The following SIN3A variants were observed in gnomAD, a reference collection of about 807,000 sequenced individuals.
SIN3A encodes SIN3 transcription regulator family member A.
A neutral mutation model predicts 146.1 loss-of-function variants in SIN3A; 14 were observed. That is an observed-to-expected ratio of 0.10 (90% CI 0.06 to 0.15). SIN3A has a LOEUF of 0.15. Ranked by LOEUF, SIN3A falls within the 10% of genes least tolerant of loss-of-function variation. SIN3A has a pLI of 1.00. For missense variants in SIN3A, 1,028 were observed against 1,576.0 expected (o/e 0.65, Z 5.89); for synonymous variants, 572 against 572.0 (o/e 1.00, Z 0.00).
At chr15:75,434,953 A>C (rs1483595210) in intron 1 of SIN3A, among the ~76,000 whole-genome samples, 2 of 151,312 alleles carry the variant, frequency 1.3e-5, no homozygotes, top group South Asian at 2.1e-4. Flanking sequence ...CGCCTCAAGA[A>C]AAAAAAAAGT....
At chr15:75,445,828 T>C (rs2074298104) in intron 1 of SIN3A, among the ~76,000 whole-genome samples, 1 of 150,436 alleles carries the variant, frequency 6.6e-6, no homozygotes, top group African/African-American at 2.4e-5. Flanking sequence ...CTTGAGATAG[T>C]TCTTGAAAGG....
chr15:75,406,480 G>A (rs965256882), intron 9 of SIN3A, among the ~76,000 whole-genome samples: 2 of 152,206 alleles, frequency 1.3e-5, no homozygotes, highest in Non-Finnish European at 2.9e-5. Context: ...GAGGTCAGGA[G>A]ATCGAGACCA....
chr15:75,430,869 G>T (rs572699546), intron 1 of SIN3A, among the ~76,000 whole-genome samples: 2 of 151,620 alleles, frequency 1.3e-5, no homozygotes, highest in African/African-American at 2.4e-5. Context: ...TCCACCTCCC[G>T]GGTTCACGCC....
chr15:75,392,341 C>T lies in SIN3A; in HGVS notation c.2752G>A (p.Glu918Lys), dbSNP rs202139984. The T allele has an allele frequency of 3.1e-6, 5 of 1,614,216 alleles. No homozygotes were observed. Among genetic ancestry groups the T allele is most frequent in the South Asian group, 1.1e-5 (1 of 91,074 alleles). ...RICSQAERQIEEENREREWER... is the reference protein window; with the variant it reads ...RICSQAERQIKEENREREWER... ...CATTCTCTCTCTCGGTTTTCTTCTT[C>T]AATTTGCCGTTCGGCTTGGGAACAA... Residue 918 changes from glutamate to lysine, a missense_variant, in exon 15 of 21, where the codon GAA becomes AAA. Around this residue, in one of 9 missense-constraint regions of SIN3A, gnomAD observed 488 missense variants for 690.2 expected, o/e 0.71. Transcript: ENST00000394947.
At chr15:75,377,432 C>T (rs1216450933) in intron 19 of SIN3A, among the ~76,000 whole-genome samples, 1 of 151,966 alleles carries the variant, frequency 6.6e-6, no homozygotes, top group Non-Finnish European at 1.5e-5. Context: ...TGAGACTAGC[C>T]TGGCCAACAT....
intron 3 of SIN3A, chr15:75,415,767 C>T (rs2073722996): frequency 6.2e-6 from 1 of 162,526 alleles, no homozygotes; most frequent in East Asian, 1.9e-4. Context: ...AGGGGAATCA[C>T]TTGAACCCAG....
At chr15:75,397,248 A>G (rs995809263) in intron 12 of SIN3A, among the ~76,000 whole-genome samples, 2 of 152,154 alleles carry the variant, frequency 1.3e-5, no homozygotes, top group Admixed American at 6.5e-5. Flanking sequence ...GTGTTCCCTA[A>G]GTTTTCTTGT....
chr15:75,390,459 C>T (rs548917538), intron 15 of SIN3A, among the ~76,000 whole-genome samples: 1 of 152,320 alleles, frequency 6.6e-6, no homozygotes, highest in East Asian at 1.9e-4. Context: ...CAATCACTAG[C>T]TAGAATAAAT....
intron 16 of SIN3A, among the ~76,000 whole-genome samples, chr15:75,385,121 C>T (rs542886866): frequency 3.3e-5 from 5 of 152,132 alleles, no homozygotes; most frequent in South Asian, 2.1e-4. Context: ...TGCAGTGAGC[C>T]GAGACTGCAC....
intron 9 of SIN3A, among the ~76,000 whole-genome samples, chr15:75,403,930 G>A (rs552047764): frequency 6.6e-6 from 1 of 152,324 alleles, no homozygotes; most frequent in East Asian, 1.9e-4. Context: ...GCTCTCTTAA[G>A]ATAGTTCTGT....
chr15:75,385,220 T>G (rs2073055897), intron 16 of SIN3A, among the ~76,000 whole-genome samples: 1 of 152,150 alleles, frequency 6.6e-6, no homozygotes, highest in African/African-American at 2.4e-5. Context: ...CCAGGCCAAC[T>G]ACAAAGCCTG....
Position 75,381,606 on chromosome 15 carries a change from C to T in SIN3A, c.3288+7G>A, listed in dbSNP as rs1314812594. ...GCACCTGGGGTCTGTGATGTACTTG[C>T]TCATACCTCTGCTTCCACAGGGTCA... On this transcript the variant is annotated splice_region_variant and intron_variant, in intron 18 of 20. Transcript: ENST00000394947. The T allele has an allele frequency of 6.2e-7, 1 of 1,609,956 alleles. No individual in the cohort carries two copies. The highest frequency in any genetic ancestry group is 1.3e-5 in the African/African-American group (1 of 74,942).
At chr15:75,399,388 C>T (rs754899910) in intron 12 of SIN3A, among the ~76,000 whole-genome samples, 1 of 152,020 alleles carries the variant, frequency 6.6e-6, no homozygotes, top group Non-Finnish European at 1.5e-5. Flanking sequence ...ATTAGCCGGA[C>T]GTGTTGGCGG....
chr15:75,408,605 A>T (rs1346714092), intron 8 of SIN3A, among the ~76,000 whole-genome samples: 2 of 152,256 alleles, frequency 1.3e-5, no homozygotes, highest in Non-Finnish European at 2.9e-5. Context: ...AGAAGGGAGC[A>T]AGCTAAGTTT....
rs2072947587 is a variant in SIN3A at position 75,380,678 on chromosome 15, A to G, written c.3334T>C (p.Ser1112Pro). 6.2e-7 allele frequency: 1 copy of G among 1,614,016 alleles called. No homozygotes were observed. Among genetic ancestry groups the G allele is most frequent in the African/African-American group, 1.3e-5 (1 of 74,926 alleles). Residue 1112 changes from serine (S) to proline (P), a missense_variant, in exon 19 of 21, where the codon TCG (serine) becomes CCG (proline). By Grantham distance (74) the Ser-to-Pro change is moderately conservative. This residue lies in a region of SIN3A where 488 missense variants were observed against 690.2 expected (regional missense o/e 0.71). Coordinates refer to ENST00000394947, the MANE Select transcript of SIN3A (RefSeq NM_001145358.2). ...GCTAGATGTTCACGAAGCTCAGGCG[A>G]GGTAGTATCTGAATTCATGTATCGC... ...VERYMNSDTT[S>P]PELREHLAQK... is the part of the protein sequence containing the mutation.
At chr15:75,393,740 C>T (rs984373764) in intron 14 of SIN3A, among the ~76,000 whole-genome samples, 1 of 151,918 alleles carries the variant, frequency 6.6e-6, no homozygotes, top group Non-Finnish European at 1.5e-5. Context: ...CTGTGATTTA[C>T]TTTACTTCTG....
At chr15:75,449,785 T>G (rs919851452) in intron 1 of SIN3A, among the ~76,000 whole-genome samples, 4 of 152,220 alleles carry the variant, frequency 2.6e-5, no homozygotes, top group African/African-American at 9.6e-5. Context: ...CCAAGTTTTT[T>G]TGGTTGTTTT....
At chr15:75,375,247 GC>G (rs1413914124) in intron 20 of SIN3A, among the ~76,000 whole-genome samples, 1 of 152,076 alleles carries the variant, frequency 6.6e-6, no homozygotes, top group Non-Finnish European at 1.5e-5. Context: ...TGAAGTCCTA[GC>G]CCCCAGTACT....
intron 6 of SIN3A, 29 bp from the exon 7 acceptor site, chr15:75,410,315 T>C (rs779437216): frequency 1.9e-6 from 3 of 1,608,098 alleles, no homozygotes; most frequent in Non-Finnish European, 8.5e-7. Flanking sequence ...AAAGAGATCA[T>C]TTGGGCTACT....
Sources: gnomAD v4.1 joint callset for allele counts (sites outside exome capture counted in the v4.1 genomes callset) on GRCh38, gnomAD v4.1.1 for gene constraint, gnomAD v4.1.1 regional missense constraint, MANE v1.5 for transcripts, NCBI Gene and HGNC (gene_info 2026-07-23, HGNC 2026-07-21) for gene names.